FAM43A: variants seen among roughly 807,000 people sequenced by gnomAD.
FAM43A encodes the protein family with sequence similarity 43 member A.
In FAM43A, 11 loss-of-function variants were observed where a neutral mutation model predicts 15.7. That is an observed-to-expected ratio of 0.70 (90% CI 0.44 to 1.16). The LOEUF is 1.16. Ranked by LOEUF, FAM43A falls within the 50% of genes most tolerant of loss-of-function variation. The probability of loss-of-function intolerance (pLI) is 0.00; values close to 1 mark genes in which losing one functional copy is unlikely to be tolerated. For missense variants in FAM43A, 573 were observed against 620.0 expected (o/e 0.92, Z 0.80); for synonymous variants, 319 against 291.7 (o/e 1.09, Z -0.96).
At position 194,687,074 on chromosome 3, in the gene FAM43A, C is replaced by T. The variant is rs1342665796; in HGVS notation, c.248C>T (p.Ala83Val). The T allele has an allele frequency of 6.2e-7, 1 of 1,613,614 alleles. No homozygotes were observed. The highest frequency in any genetic ancestry group is 8.5e-7 in the Non-Finnish European group (1 of 1,179,850). ...LYLGNATTIQ[A>V]RGDGCTDLAV... ...CTGGGCAATGCCACCACCATCCAGG[C>T]GCGCGGCGACGGCTGCACCGACCTT... The change falls in exon 1 of 1, where the codon GCG (alanine) becomes GTG (valine). Residue 83 changes from alanine to valine, a missense_variant. Ala to Val is a moderately conservative substitution (Grantham distance 64). Coordinates refer to ENST00000329759, the MANE Select transcript of FAM43A (RefSeq NM_153690.5).
rs1719425111 is a variant in FAM43A, at chr3:194,686,719, C to T, written c.-108C>T. The T allele has an allele frequency of 8.5e-7, 1 of 1,180,876 alleles. No homozygotes were observed. Among genetic ancestry groups the T allele is most frequent in the African/African-American group, 1.6e-5 (1 of 61,788 alleles). The allele number at this position is 1,180,876 out of a possible 1,614,324, so 73.1% of individuals were successfully genotyped here. ...CAGGGCCGCTCCCAGTAGTTTTATT[C>T]TTCGATCTTGCCCGGGCCGAGCCTG... On this transcript the variant is annotated 5_prime_UTR_variant, in exon 1 of 1. Coordinates refer to ENST00000329759, the MANE Select transcript of FAM43A (RefSeq NM_153690.5).
rs1560237246 is a variant in FAM43A, at chr3:194,688,141, C to G, written c.*43C>G. On this transcript the variant is annotated 3_prime_UTR_variant, in exon 1 of 1. Coordinates refer to ENST00000329759, the MANE Select transcript of FAM43A (RefSeq NM_153690.5). Reference sequence around the variant, plus strand: ...CGGCGCTCCACCGTGGCTACCCATCCGTGGTCCCGACAACCTCCCTGTCCC... The same window carrying G: ...CGGCGCTCCACCGTGGCTACCCATCGGTGGTCCCGACAACCTCCCTGTCCC... 7.6e-7 allele frequency: 1 copy of G among 1,307,624 alleles called. No individual in the cohort carries two copies. The highest frequency in any genetic ancestry group is 1.5e-5 in the African/African-American group (1 of 65,372). 81.0% of individuals were successfully genotyped at this position (1,307,624 alleles called of 1,614,324 possible).
rs949809408 is a variant in FAM43A at position 194,686,680 on chromosome 3, C to G, written c.-147C>G. On this transcript the variant is annotated 5_prime_UTR_variant, in exon 1 of 1. Transcript: ENST00000329759. Reference sequence around the variant, plus strand: ...AAGCACTCTCTCTGCTCCCCTCCCCCCAACTCCCTACCACAGGGCCGCTCC... The same window carrying G: ...AAGCACTCTCTCTGCTCCCCTCCCCGCAACTCCCTACCACAGGGCCGCTCC... The G allele has an allele frequency of 2.7e-6, 2 of 740,190 alleles. No homozygotes were observed. Among genetic ancestry groups the G allele is most frequent in the Non-Finnish European group, 3.8e-6 (2 of 530,784 alleles). The allele number at this position is 740,190 out of a possible 1,614,324, so 45.9% of individuals were successfully genotyped here.
chr3:194,687,370 C>A lies in FAM43A; in HGVS notation c.544C>A (p.Gln182Lys). ...AVLVSKPEKA[Q>K]AMALLLYQTS... ...GCTGGTGTCCAAGCCCGAAAAGGCG[C>A]AGGCCATGGCCCTGCTGCTCTACCA... is the stretch of plus-strand genomic sequence containing the variant. Residue 182 changes from glutamine to lysine, a missense_variant, in exon 1 of 1, where the codon CAG (glutamine) becomes AAG (lysine). Transcript: ENST00000329759. 6.5e-7 allele frequency: 1 copy of A among 1,539,860 alleles called. No individual in the cohort carries two copies.
At position 194,687,022 on chromosome 3, in the gene FAM43A, G is replaced by A; in HGVS notation, c.196G>A (p.Glu66Lys). Residue 66 changes from glutamate (E) to lysine (K), a missense_variant, in exon 1 of 1, where the codon GAG (glutamate) becomes AAG (lysine). Coordinates refer to ENST00000329759, the MANE Select transcript of FAM43A (RefSeq NM_153690.5). ...GCGCAAGAAGCTGCACATCACTAGC[G>A]AGGACCCAACTTACACCGTGCTCTA... ...SKRKKLHITS[E>K]DPTYTVLYLG... 1 of 1,610,374 alleles carries A rather than the reference G, an allele frequency of 6.2e-7. No individual in the cohort carries two copies. The highest frequency in any genetic ancestry group is 8.5e-7 in the Non-Finnish European group (1 of 1,177,288).
chr3:194,688,041 C>T lies in FAM43A; in HGVS notation c.1215C>T (p.Ala405=), dbSNP rs775992819. The T allele has an allele frequency of 3.5e-6, 5 of 1,414,094 alleles. No individual in the cohort carries two copies. The South Asian group carries it at 8.5e-5, about 24-fold the overall frequency. The allele number at this position is 1,414,094 out of a possible 1,614,324, so 87.6% of individuals were successfully genotyped here. A position where few individuals can be genotyped will look rare whatever the true frequency, so the allele number is the denominator to read the frequency against. ...GCCCTGACGCCACCTCCGCCACCGCCGGGGACTCGTCCCGCCAGGCCGACG... is the reference window on the plus strand; with the variant it reads ...GCCCTGACGCCACCTCCGCCACCGCTGGGGACTCGTCCCGCCAGGCCGACG... ...GGGPDATSAT[A]GDSSRQADGA... The change falls in exon 1 of 1, where the codon GCC becomes GCT. Residue 405 remains alanine (A), a synonymous_variant. Coordinates refer to ENST00000329759, the MANE Select transcript of FAM43A (RefSeq NM_153690.5).
rs1050946673 is a variant in FAM43A at position 194,687,216 on chromosome 3, C to G, written c.390C>G (p.Arg130=). 3 of 1,604,018 alleles carry G rather than the reference C, an allele frequency of 1.9e-6. No homozygotes were observed. The African/African-American group carries it at 4.0e-5, about 21-fold the overall frequency. Residue 130 remains arginine (R), a synonymous_variant, in exon 1 of 1, where the codon CGC becomes CGG. Coordinates refer to ENST00000329759, the MANE Select transcript of FAM43A (RefSeq NM_153690.5). The part of the protein sequence containing the change: ...MVHAEERALR[R]PGHLYLLHRV... ...ACGCCGAGGAGCGCGCGCTGCGCCGCCCGGGCCACCTCTACCTGCTGCACC... is the reference window on the plus strand; with the variant it reads ...ACGCCGAGGAGCGCGCGCTGCGCCGGCCGGGCCACCTCTACCTGCTGCACC...
In FAM43A at chr3:194,686,596, A is replaced by G. The variant is rs991493485; in HGVS notation, c.-231A>G. 4.7e-5 allele frequency: 18 copies of G among 379,610 alleles called. No homozygotes were observed. Among genetic ancestry groups the G allele is most frequent in the African/African-American group, 8.5e-5 (4 of 46,864 alleles). 23.5% of individuals were successfully genotyped at this position (379,610 alleles called of 1,614,324 possible). On this transcript the variant is annotated 5_prime_UTR_variant, in exon 1 of 1. Transcript: ENST00000329759. ...TCCCCCGCACCAACCTTTTTTGCAC[A>G]CTCGAAGCTGAATATTTTCTTTTTT...
Position 194,686,405 on chromosome 3 carries a change from C to T in FAM43A, c.-422C>T, listed in dbSNP as rs1219276916. 1 of 160,454 alleles carries T rather than the reference C, an allele frequency of 6.2e-6. No individual in the cohort carries two copies. The highest frequency in any genetic ancestry group is 1.3e-5 in the Non-Finnish European group (1 of 74,152). 9.9% of individuals were successfully genotyped at this position (160,454 alleles called of 1,614,324 possible). A position where few individuals can be genotyped will look rare whatever the true frequency, so the allele number is the denominator to read the frequency against. On this transcript the variant is annotated 5_prime_UTR_variant, in exon 1 of 1. Transcript: ENST00000329759. ...GTTCCTGCATATTCTTGCACCATCCCGGGTGCTGTTGCTGGGGCTCTCTTT... is the reference window on the plus strand; with the variant it reads ...GTTCCTGCATATTCTTGCACCATCCTGGGTGCTGTTGCTGGGGCTCTCTTT...
chr3:194,686,036 G>A lies in FAM43A; in HGVS notation c.-791G>A, dbSNP rs1397042887. 6.6e-6 allele frequency among the ~76,000 whole-genome samples: 1 copy of A among 152,212 alleles called. No individual in the cohort carries two copies. The highest frequency in any genetic ancestry group is 1.5e-5 in the Non-Finnish European group (1 of 68,034). On this transcript the variant is annotated 5_prime_UTR_variant, in exon 1 of 1. An upstream start codon of the reference 5' UTR is lost. Coordinates refer to ENST00000329759, the MANE Select transcript of FAM43A (RefSeq NM_153690.5). The stretch of plus-strand genomic sequence containing the variant: ...AGCGGCGGTTCCCGGACCCGGCCAT[G>A]CCCGTCCCCTGTTCTCGGAGCCCAG...
rs1719440204 is a variant in FAM43A at position 194,687,299 on chromosome 3, G to T, written c.473G>T (p.Arg158Leu). ...RLPKVFAWVY[R>L]HELKHKAVML... is the part of the protein sequence containing the mutation. ...CCCAAGGTCTTCGCCTGGGTGTACCGGCACGAGCTGAAGCACAAGGCCGTG... is the reference window on the plus strand; with the variant it reads ...CCCAAGGTCTTCGCCTGGGTGTACCTGCACGAGCTGAAGCACAAGGCCGTG... Residue 158 changes from arginine (R) to leucine (L), a missense_variant, in exon 1 of 1, where the codon CGG (arginine) becomes CTG (leucine). Physicochemically the swap from Arg to Leu is moderately radical, Grantham distance 102. Coordinates refer to ENST00000329759, the MANE Select transcript of FAM43A (RefSeq NM_153690.5). 6.4e-7 allele frequency: 1 copy of T among 1,566,512 alleles called. No homozygotes were observed. Among genetic ancestry groups the T allele is most frequent in the Non-Finnish European group, 8.6e-7 (1 of 1,163,242 alleles).
In FAM43A at chr3:194,687,320, C is replaced by T; in HGVS notation, c.494C>T (p.Ala165Val). The change falls in exon 1 of 1, where the codon GCC becomes GTC. Residue 165 changes from alanine (A) to valine (V), a missense_variant. Transcript: ENST00000329759. The part of the protein sequence containing the change: ...WVYRHELKHK[A>V]VMLRCHAVLV... Reference sequence around the variant, plus strand: ...TACCGGCACGAGCTGAAGCACAAGGCCGTGATGCTGCGCTGCCACGCCGTG... The same window carrying T: ...TACCGGCACGAGCTGAAGCACAAGGTCGTGATGCTGCGCTGCCACGCCGTG... 1 of 1,553,094 alleles carries T rather than the reference C, an allele frequency of 6.4e-7. No homozygotes were observed. Among genetic ancestry groups the T allele is most frequent in the African/African-American group, 1.4e-5 (1 of 73,826 alleles).
At position 194,687,278 on chromosome 3, in the gene FAM43A, A is replaced by G. The variant is rs1269626906; in HGVS notation, c.452A>G (p.Lys151Arg). The G allele has an allele frequency of 3.8e-6, 6 of 1,585,370 alleles. No homozygotes were observed. Among genetic ancestry groups the G allele is most frequent in the South Asian group, 2.2e-5 (2 of 89,232 alleles). Residue 151 changes from lysine to arginine, a missense_variant, in exon 1 of 1, where the codon AAG becomes AGG. Physicochemically the swap from Lys to Arg is conservative, Grantham distance 26. Transcript: ENST00000329759. ...TGCGTGGCCGACGCGCGGCTGCCCAAGGTCTTCGCCTGGGTGTACCGGCAC... is the reference window on the plus strand; with the variant it reads ...TGCGTGGCCGACGCGCGGCTGCCCAGGGTCTTCGCCTGGGTGTACCGGCAC... ...TYCVADARLPKVFAWVYRHEL... is the reference protein window; with the variant it reads ...TYCVADARLPRVFAWVYRHEL...
Position 194,686,892 on chromosome 3 carries a change from G to A in FAM43A, c.66G>A (p.Lys22=), listed in dbSNP as rs1270464055. 6.2e-7 allele frequency: 1 copy of A among 1,606,366 alleles called. No individual in the cohort carries two copies. Among genetic ancestry groups the A allele is most frequent in the Admixed American group, 1.7e-5 (1 of 59,382 alleles). ...AGGCGCCGCCGCGGCAGGCGTCCAA[G>A]CCCAAGGGCTACGCTGTGAGCCTGC... ...LAEAPPRQAS[K]PKGYAVSLHY... is the part of the protein sequence containing the mutation. Residue 22 remains lysine, a synonymous_variant, in exon 1 of 1, where the codon AAG becomes AAA. Coordinates refer to ENST00000329759, the MANE Select transcript of FAM43A (RefSeq NM_153690.5).
chr3:194,688,278 C>T lies in FAM43A; in HGVS notation c.*180C>T. 1.5e-6 allele frequency: 1 copy of T among 683,674 alleles called. No individual in the cohort carries two copies. The highest frequency in any genetic ancestry group is 3.4e-5 in the East Asian group (1 of 29,050). The allele number at this position is 683,674 out of a possible 1,614,324, so 42.4% of individuals were successfully genotyped here. ...TCCCCTACCTCCCGGCCCCCGCTCCCGCCCCAGCACTTTTGGCTCTGTTGC... is the reference window on the plus strand; with the variant it reads ...TCCCCTACCTCCCGGCCCCCGCTCCTGCCCCAGCACTTTTGGCTCTGTTGC... On this transcript the variant is annotated 3_prime_UTR_variant, in exon 1 of 1. Coordinates refer to ENST00000329759, the MANE Select transcript of FAM43A (RefSeq NM_153690.5).
Position 194,688,028 on chromosome 3 carries a change from C to A in FAM43A, c.1202C>A (p.Thr401Asn). ...SSIEGGGPDA[T>N]SATAGDSSRQ... is the part of the protein sequence containing the mutation. ...ATCGAGGGCGGGGGCCCTGACGCCA[C>A]CTCCGCCACCGCCGGGGACTCGTCC... The change falls in exon 1 of 1, where the codon ACC becomes AAC. Residue 401 changes from threonine to asparagine, a missense_variant. By Grantham distance (65) the Thr-to-Asn change is moderately conservative. Transcript: ENST00000329759. The A allele has an allele frequency of 7.0e-7, 1 of 1,420,844 alleles. No individual in the cohort carries two copies. The highest frequency in any genetic ancestry group is 9.2e-7 in the Non-Finnish European group (1 of 1,087,906). The allele number at this position is 1,420,844 out of a possible 1,614,324, so 88.0% of individuals were successfully genotyped here.
In FAM43A at chr3:194,686,756, T is replaced by C; in HGVS notation, c.-71T>C. ...CCGGGCCGAGCCTGGCAGGGGCCGG[T>C]GGCTCAGCGGGCCTCGCACCCGGCG... On this transcript the variant is annotated 5_prime_UTR_variant, in exon 1 of 1. Transcript: ENST00000329759. The C allele has an allele frequency of 7.6e-7, 1 of 1,321,076 alleles. No homozygotes were observed. The highest frequency in any genetic ancestry group is 9.6e-7 in the Non-Finnish European group (1 of 1,040,844). The allele number at this position is 1,321,076 out of a possible 1,614,324, so 81.8% of individuals were successfully genotyped here.
In FAM43A at chr3:194,688,230, G is replaced by A; in HGVS notation, c.*132G>A. On this transcript the variant is annotated 3_prime_UTR_variant, in exon 1 of 1. Transcript: ENST00000329759. ...GCCCAGACCTACACTTGGAGCCCAG[G>A]TCCAGCGTTCCCCCGACCGCTTTCC... The A allele has an allele frequency of 9.3e-7, 1 of 1,078,188 alleles. No homozygotes were observed. The highest frequency in any genetic ancestry group is 1.2e-6 in the Non-Finnish European group (1 of 834,278). 66.8% of individuals were successfully genotyped at this position (1,078,188 alleles called of 1,614,324 possible). A position where few individuals can be genotyped will look rare whatever the true frequency, so the allele number is the denominator to read the frequency against.
At position 194,688,422 on chromosome 3, in the gene FAM43A, G is replaced by T; in HGVS notation, c.*324G>T. On this transcript the variant is annotated 3_prime_UTR_variant, in exon 1 of 1. Coordinates refer to ENST00000329759, the MANE Select transcript of FAM43A (RefSeq NM_153690.5). ...AAGTTCCTAGTCTCAGGCCGTAGGT[G>T]CCTGGCCAGTTTCCTGTTTGTGGGG... The T allele has an allele frequency of 3.7e-6, 1 of 267,308 alleles. No homozygotes were observed. 16.6% of individuals were successfully genotyped at this position (267,308 alleles called of 1,614,324 possible). A position where few individuals can be genotyped will look rare whatever the true frequency, so the allele number is the denominator to read the frequency against.
Sources: gnomAD v4.1 joint callset for allele counts (sites outside exome capture counted in the v4.1 genomes callset) on GRCh38, gnomAD v4.1.1 for gene constraint, MANE v1.5 for transcripts, NCBI Gene and HGNC (gene_info 2026-07-23, HGNC 2026-07-21) for gene names.